Variants in RBMS3 observed in about 807,000 individuals in gnomAD.
RBMS3 encodes the protein RNA-binding motif, single-stranded-interacting protein 3.
In RBMS3, 27 loss-of-function variants were observed where a neutral mutation model predicts 66.8. The observed-to-expected ratio is 0.40, with a 90% CI of 0.30 to 0.56. The LOEUF (loss-of-function observed/expected upper bound fraction) is 0.56, where lower values mean the gene tolerates loss of function less well. RBMS3 is among the 20% of genes least tolerant of loss of function. The pLI is 0.40. For synonymous variants in RBMS3, 188 were observed against 183.0 expected (o/e 1.03, Z -0.22); for missense variants, 513 against 549.5 (o/e 0.93, Z 0.66).
chr3:29,390,644 T>G (rs1454031346), intron 1 of RBMS3, among the ~76,000 whole-genome samples: 1 of 152,244 alleles, frequency 6.6e-6, no homozygotes, highest in Non-Finnish European at 1.5e-5. Flanking sequence ...TAGTGTATCT[T>G]AGGTTCTGAG....
intron 1 of RBMS3, among the ~76,000 whole-genome samples, chr3:29,405,635 C>T (rs559973573): frequency 2.0e-5 from 3 of 152,166 alleles, no homozygotes; most frequent in East Asian, 1.9e-4. Context: ...CACACACTTA[C>T]GAACTTGCTT....
intron 7 of RBMS3, chr3:29,880,953 C>T (rs894000355): frequency 1.4e-5 from 13 of 906,300 alleles, no homozygotes; most frequent in Non-Finnish European, 2.2e-5. Context: ...CCAGGGAGCT[C>T]ATGCTAACTC....
chr3:29,946,414 ATAACT>A (rs1000175454), intron 12 of RBMS3, among the ~76,000 whole-genome samples: 12 of 151,702 alleles, frequency 7.9e-5, no homozygotes, highest in African/African-American at 2.7e-4. Flanking sequence ...TTACAGATAC[ATAACT>A]TAATTTCATT....
chr3:29,685,272 A>G (rs2051677463), intron 4 of RBMS3, among the ~76,000 whole-genome samples: 1 of 152,128 alleles, frequency 6.6e-6, no homozygotes, highest in Admixed American at 6.6e-5. Flanking sequence ...CATGTTAGCC[A>G]GGATGGTCTC....
chr3:29,491,958 A>G (rs1167224220), intron 3 of RBMS3, among the ~76,000 whole-genome samples: 1 of 151,624 alleles, frequency 6.6e-6, no homozygotes, highest in Non-Finnish European at 1.5e-5. Context: ...GTGCCACTGC[A>G]CTCCAGCCTG....
At chr3:29,284,862 CTTTTT>C (rs773078453) in intron 1 of RBMS3, among the ~76,000 whole-genome samples, 5,708 of 112,772 alleles carry the variant, frequency 0.051, 154 homozygotes, top group South Asian at 0.097. Context: ...ATGAATTTTT[CTTTTT>C]TTTTTTTTTT....
intron 12 of RBMS3, among the ~76,000 whole-genome samples, chr3:29,987,903 A>T (rs1359428161): frequency 6.6e-6 from 1 of 152,116 alleles, no homozygotes; most frequent in Admixed American, 6.5e-5. Flanking sequence ...AAAGTGAGGA[A>T]ATGGGGGTGA....
chr3:29,506,589 C>T (rs2044189109), intron 3 of RBMS3, among the ~76,000 whole-genome samples: 1 of 151,950 alleles, frequency 6.6e-6, no homozygotes, highest in Admixed American at 6.6e-5. Context: ...AATGCTGGCC[C>T]TATAAAATGT....
intron 6 of RBMS3, among the ~76,000 whole-genome samples, chr3:29,773,468 C>A (rs1294401596): frequency 1.3e-5 from 2 of 151,976 alleles, no homozygotes; most frequent in Non-Finnish European, 2.9e-5. Context: ...GAAAACATAA[C>A]CATTTTCTAT....
In RBMS3 at chr3:29,325,514, A is replaced by G. The variant is rs12493713; in HGVS notation, c.75+43758A>G. On this transcript the variant is annotated intron_variant, in intron 1 of 14. Coordinates refer to ENST00000383767, the MANE Select transcript of RBMS3 (RefSeq NM_001003793.3). ...TCCCATTAAATGCATATATATATAT[A>G]TGTGTGTGTGTGTATGTATGTATAT... Among the ~76,000 whole-genome samples the G allele has an allele frequency of 1.7e-3, 252 of 149,824 alleles. 3 individuals carry two copies. The highest frequency in any genetic ancestry group is 4.5e-3 in the African/African-American group (185 of 41,098).
chr3:29,807,266 T>C (rs922604814), intron 6 of RBMS3, among the ~76,000 whole-genome samples: 2 of 151,982 alleles, frequency 1.3e-5, no homozygotes, highest in Non-Finnish European at 2.9e-5. Context: ...AACTGTCTTT[T>C]TCTTCTCTGC....
intron 6 of RBMS3, among the ~76,000 whole-genome samples, chr3:29,796,851 T>A (rs886483282): frequency 2.0e-5 from 3 of 151,920 alleles, no homozygotes; most frequent in Non-Finnish European, 2.9e-5. Flanking sequence ...TAGCTGGGAC[T>A]ATAGGCACAC....
At chr3:29,983,358 C>T (rs1698138562) in intron 12 of RBMS3, among the ~76,000 whole-genome samples, 1 of 151,718 alleles carries the variant, frequency 6.6e-6, no homozygotes, top group African/African-American at 2.4e-5. Context: ...ATGGGTCTTA[C>T]TCTTTATCCA....
intron 12 of RBMS3, among the ~76,000 whole-genome samples, chr3:29,964,021 A>C (rs1252927719): frequency 6.6e-6 from 1 of 152,132 alleles, no homozygotes; most frequent in East Asian, 1.9e-4. Flanking sequence ...ACCTGTAAAA[A>C]TTTTATTGGA....
chr3:29,490,160 TAAATTTAATTTAAAATTA>T (rs948942666), intron 3 of RBMS3, among the ~76,000 whole-genome samples: 6 of 148,922 alleles, frequency 4.0e-5, no homozygotes, highest in Admixed American at 2.0e-4. Context: ...AATTTAAAAT[TAAATTTAATTTAAAATTA>T]AAATTTAAAA....
At chr3:29,289,220 T>C (rs2032618147) in intron 1 of RBMS3, among the ~76,000 whole-genome samples, 1 of 151,910 alleles carries the variant, frequency 6.6e-6, no homozygotes. Context: ...TGGCCTCTGC[T>C]ATGGAAGGTA....
chr3:29,574,672 T>TG (rs767082162), intron 3 of RBMS3, among the ~76,000 whole-genome samples: 7 of 152,116 alleles, frequency 4.6e-5, no homozygotes, highest in Non-Finnish European at 8.8e-5. Flanking sequence ...TTAGTGAATG[T>TG]GATTTTCTCT....
chr3:29,282,249 T>C (rs528971226), intron 1 of RBMS3, among the ~76,000 whole-genome samples: 1 of 152,272 alleles, frequency 6.6e-6, no homozygotes, highest in East Asian at 1.9e-4. Flanking sequence ...TGAGAAGGTA[T>C]AGGGCTCCTA....
intron 4 of RBMS3, among the ~76,000 whole-genome samples, chr3:29,658,824 T>G (rs1167357119): frequency 6.6e-6 from 1 of 152,244 alleles, no homozygotes; most frequent in Non-Finnish European, 1.5e-5. Flanking sequence ...TTTGTTTGTT[T>G]GCTTGTGTGT....
Sources: gnomAD v4.1 joint callset for allele counts (sites outside exome capture counted in the v4.1 genomes callset) on GRCh38, gnomAD v4.1.1 for gene constraint, MANE v1.5 for transcripts, NCBI Gene and HGNC (gene_info 2026-07-23, HGNC 2026-07-21) for gene names.